Variants in CCSAP observed in about 807,000 individuals in gnomAD.
CCSAP encodes centriole, cilia and spindle associated protein, also known as centriole, cilia and spindle-associated protein.
Under a neutral mutation model 25.9 loss-of-function variants are expected in CCSAP, and 17 were observed. That is an observed-to-expected ratio of 0.66 (90% CI 0.45 to 0.99). The LOEUF (loss-of-function observed/expected upper bound fraction) is 0.99, where lower values mean the gene tolerates loss of function less well. Ranked by LOEUF, CCSAP falls within the 50% of genes least tolerant of loss-of-function variation. The pLI is 0.00. For missense variants in CCSAP, 339 were observed against 367.8 expected (o/e 0.92, Z 0.64); for synonymous variants, 169 against 157.1 (o/e 1.08, Z -0.57).
intron 2 of CCSAP, among the ~76,000 whole-genome samples, chr1:229,333,918 A>G (rs1293095006): frequency 2.0e-5 from 3 of 152,282 alleles, no homozygotes; most frequent in Non-Finnish European, 4.4e-5. Context: ...AAATAATAAA[A>G]TGGTTAAAAT....
At chr1:229,337,753 GA>G (rs1210807317) in intron 2 of CCSAP, among the ~76,000 whole-genome samples, 56 of 132,976 alleles carry the variant, frequency 4.2e-4, no homozygotes, top group East Asian at 1.9e-3. Context: ...GTCTCCAAGG[GA>G]AAAAAAAAAT....
chr1:229,341,995 G>A, intron 2 of CCSAP, 104 bp downstream of exon 2: 1 of 1,212,340 alleles, frequency 8.2e-7, no homozygotes, highest in Non-Finnish European at 1.0e-6. Flanking sequence ...AAAAAAGGAA[G>A]AGCCAGCCCC....
intron 2 of CCSAP, among the ~76,000 whole-genome samples, chr1:229,335,040 G>A (rs957801709): frequency 4.6e-5 from 7 of 152,210 alleles, no homozygotes; most frequent in Admixed American, 2.6e-4. Flanking sequence ...TGAGCCAGAT[G>A]TGGTGGCTCA....
chr1:229,333,581 T>G (rs896034997), intron 2 of CCSAP, among the ~76,000 whole-genome samples: 4 of 151,638 alleles, frequency 2.6e-5, no homozygotes, highest in Non-Finnish European at 5.9e-5. Flanking sequence ...ACTGGACACT[T>G]TAAATCAGTT....
chr1:229,327,191 A>T, intron 2 of CCSAP, 185 bp from the exon 3 acceptor site: 1 of 536,386 alleles, frequency 1.9e-6, no homozygotes, highest in East Asian at 3.5e-5. Context: ...CATTTATCTC[A>T]TTTTAAAATC....
intron 2 of CCSAP, among the ~76,000 whole-genome samples, chr1:229,328,658 C>T (rs1220365926): frequency 6.6e-6 from 1 of 152,192 alleles, no homozygotes; most frequent in Non-Finnish European, 1.5e-5. Flanking sequence ...GGTCTTATCA[C>T]CTCTGTAGGA....
rs770325778 is a variant in CCSAP, at chr1:229,326,810, G to A, written c.564C>T (p.Gly188=). ...CTGTATCGGTCTGTTTTTCTCCCCAGCCATAAAGAGCAAATGGATGCTTGT... is the reference window on the plus strand; with the variant it reads ...CTGTATCGGTCTGTTTTTCTCCCCAACCATAAAGAGCAAATGGATGCTTGT... ...KENKHPFALY[G]WGEKQTDTGS... Residue 188 remains glycine (G), a synonymous_variant, in exon 3 of 4, where the codon GGC becomes GGT. Transcript: ENST00000284617. 6.2e-7 allele frequency: 1 copy of A among 1,614,192 alleles called. No individual in the cohort carries two copies. Among genetic ancestry groups the A allele is most frequent in the Admixed American group, 1.7e-5 (1 of 60,030 alleles).
chr1:229,326,588 T>G, intron 3 of CCSAP, 150 bp downstream of exon 3: 1 of 896,668 alleles, frequency 1.1e-6, no homozygotes, highest in Non-Finnish European at 1.7e-6. Context: ...GGCTCCATTC[T>G]GGAGTTCCCC....
intron 2 of CCSAP, among the ~76,000 whole-genome samples, chr1:229,339,613 C>T (rs1423065519): frequency 6.6e-6 from 1 of 152,134 alleles, no homozygotes; most frequent in Non-Finnish European, 1.5e-5. Context: ...AGGAGGATGG[C>T]CAAGGGCCCT....
chr1:229,340,730 G>A (rs984271925), intron 2 of CCSAP: 6 of 329,286 alleles, frequency 1.8e-5, no homozygotes, highest in Non-Finnish European at 3.3e-5. Flanking sequence ...AATAGCTGAA[G>A]ATGGTAAAAC....
chr1:229,342,591 G>A lies in CCSAP; in HGVS notation c.-48-78C>T, dbSNP rs1465611362. 3.3e-6 allele frequency: 2 copies of A among 600,614 alleles called. No individual in the cohort carries two copies. The highest frequency in any genetic ancestry group is 4.8e-6 in the Non-Finnish European group (2 of 413,632). The allele number at this position is 600,614 out of a possible 1,614,324, so 37.2% of individuals were successfully genotyped here. A position where few individuals can be genotyped will look rare whatever the true frequency, so the allele number is the denominator to read the frequency against. On this transcript the variant is annotated intron_variant, in intron 1 of 3. Coordinates refer to ENST00000284617, the MANE Select transcript of CCSAP (RefSeq NM_145257.5). This position sits in a 1 kb window ranked among gnomAD's most constrained non-coding sequence, Gnocchi z 7.5. The stretch of plus-strand genomic sequence containing the variant: ...GCCCGCCGCGACGTTTAAACCCGGA[G>A]CCCCGCCCGGACGGGAGCAGGGGGC...
At chr1:229,333,014 G>C (rs1027475733) in intron 2 of CCSAP, among the ~76,000 whole-genome samples, 1 of 152,000 alleles carries the variant, frequency 6.6e-6, no homozygotes, top group African/African-American at 2.4e-5. Context: ...CATATCCAAG[G>C]CCATAAAGAA....
rs568801146 is a variant in CCSAP at position 229,324,312 on chromosome 1, C to A, written c.*923G>T. ...CAATGCCAATGTACCAAGTGCAATT[C>A]CAGATTGTAAGTTTGAAATGTCATT... On this transcript the variant is annotated 3_prime_UTR_variant, in exon 4 of 4. Coordinates refer to ENST00000284617, the MANE Select transcript of CCSAP (RefSeq NM_145257.5). 4.6e-5 allele frequency: 7 copies of A among 152,150 alleles called. No individual in the cohort carries two copies. Among genetic ancestry groups the A allele is most frequent in the Non-Finnish European group, 8.8e-5 (6 of 68,010 alleles). The allele number at this position is 152,150 out of a possible 1,614,324, so 9.4% of individuals were successfully genotyped here.
chr1:229,325,131 G>T lies in CCSAP; in HGVS notation c.*104C>A. On this transcript the variant is annotated 3_prime_UTR_variant, in exon 4 of 4. Coordinates refer to ENST00000284617, the MANE Select transcript of CCSAP (RefSeq NM_145257.5). ...CCCTAAAAAAAACCTTGCATAATCA[G>T]TTGGTTTCTTAAACCTGTGTCCGTT... 1 of 1,160,638 alleles carries T rather than the reference G, an allele frequency of 8.6e-7. No homozygotes were observed. The highest frequency in any genetic ancestry group is 1.5e-5 in the African/African-American group (1 of 65,076). 71.9% of individuals were successfully genotyped at this position (1,160,638 alleles called of 1,614,324 possible). A position where few individuals can be genotyped will look rare whatever the true frequency, so the allele number is the denominator to read the frequency against.
chr1:229,334,171 G>A (rs1194851762), intron 2 of CCSAP, among the ~76,000 whole-genome samples: 1 of 152,142 alleles, frequency 6.6e-6, no homozygotes, highest in Non-Finnish European at 1.5e-5. Flanking sequence ...CCTGGGTTCA[G>A]GTGGTTCTTG....
intron 2 of CCSAP, among the ~76,000 whole-genome samples, chr1:229,338,480 A>T (rs1440057268): frequency 6.6e-6 from 1 of 151,918 alleles, no homozygotes; most frequent in African/African-American, 2.4e-5. Flanking sequence ...TTCATAGCAT[A>T]TTGGCTATGG....
At position 229,321,197 on chromosome 1, in the gene CCSAP, TA is replaced by T. The variant is rs1346386140; in HGVS notation, c.*4037del. On this transcript the variant is annotated 3_prime_UTR_variant, in exon 4 of 4. Coordinates refer to ENST00000284617, the MANE Select transcript of CCSAP (RefSeq NM_145257.5). ...GTGAATGCAGTGCTCAAAACAAACT[TA>T]CGATAGCACAGGGAAACCTTCCCTA... 2.0e-5 allele frequency: 3 copies of T among 152,168 alleles called. No homozygotes were observed. The highest frequency in any genetic ancestry group is 7.2e-5 in the African/African-American group (3 of 41,438). 9.4% of individuals were successfully genotyped at this position (152,168 alleles called of 1,614,324 possible).
intron 2 of CCSAP, among the ~76,000 whole-genome samples, chr1:229,331,277 C>G (rs1658060434): frequency 6.6e-6 from 1 of 151,928 alleles, no homozygotes; most frequent in Non-Finnish European, 1.5e-5. Context: ...GGCCTGAAAT[C>G]CAAGGAGTCT....
intron 2 of CCSAP, 141 bp downstream of exon 2, chr1:229,341,958 A>G (rs1658342144): frequency 9.0e-6 from 10 of 1,109,568 alleles, no homozygotes; most frequent in Non-Finnish European, 1.1e-5. Context: ...TTTTGTCAAG[A>G]GAGACGGATT....
Sources: allele counts gnomAD v4.1 joint callset (sites outside exome capture counted in the v4.1 genomes callset), GRCh38; gene constraint gnomAD v4.1.1; non-coding constraint Gnocchi (gnomAD v3.1); transcripts MANE v1.5; gene names NCBI Gene and HGNC (gene_info 2026-07-23, HGNC 2026-07-21).